PEX5L: variants seen among roughly 807,000 people sequenced by gnomAD.
PEX5L encodes PEX5-related protein.
Under a neutral mutation model 84.0 loss-of-function variants are expected in PEX5L, and 30 were observed. The observed-to-expected ratio is 0.36, with a 90% CI of 0.27 to 0.48. The LOEUF (loss-of-function observed/expected upper bound fraction) is 0.48. Ranked by LOEUF, PEX5L falls within the 20% of genes least tolerant of loss-of-function variation. PEX5L has a pLI of 0.99. For missense variants in PEX5L, 533 were observed against 754.6 expected (o/e 0.71, Z 3.44); for synonymous variants, 270 against 283.1 (o/e 0.95, Z 0.46).
At chr3:179,874,748 T>TTTTTTTTTTTTTTTTTG in intron 6 of PEX5L, among the ~76,000 whole-genome samples, 1 of 134,406 alleles carries the variant, frequency 7.4e-6, no homozygotes, top group Non-Finnish European at 1.6e-5. Context: ...GTTTTTTTTT[T>TTTTTTTTTTTTTTTTTG]TTTTTTTTTT....
At chr3:179,934,552 T>C (rs527988257) in intron 2 of PEX5L, among the ~76,000 whole-genome samples, 1 of 152,284 alleles carries the variant, frequency 6.6e-6, no homozygotes, top group African/African-American at 2.4e-5. Context: ...TAGTAAAAAA[T>C]GAAATTACAG....
intron 1 of PEX5L, among the ~76,000 whole-genome samples, chr3:180,003,698 G>A (rs1579306540): frequency 6.6e-6 from 1 of 152,146 alleles, no homozygotes; most frequent in African/African-American, 2.4e-5. Context: ...ATAAGAAAGT[G>A]TCATGAGTTT....
At chr3:179,857,899 C>A (rs1744610706) in intron 8 of PEX5L, among the ~76,000 whole-genome samples, 1 of 151,976 alleles carries the variant, frequency 6.6e-6, no homozygotes, top group South Asian at 2.1e-4. Context: ...TTCAAGAGCA[C>A]TAAATATTCA....
chr3:179,938,772 A>G (rs902965278), intron 2 of PEX5L, among the ~76,000 whole-genome samples: 1 of 152,204 alleles, frequency 6.6e-6, no homozygotes, highest in Non-Finnish European at 1.5e-5. Flanking sequence ...TTCATTTTGG[A>G]AACTGACTTT....
chr3:179,987,433 G>C (rs1467241451), intron 1 of PEX5L, among the ~76,000 whole-genome samples: 1 of 152,128 alleles, frequency 6.6e-6, no homozygotes, highest in Non-Finnish European at 1.5e-5. Flanking sequence ...TGAAGTTTTG[G>C]GGGTGCTGGG....
intron 1 of PEX5L, among the ~76,000 whole-genome samples, chr3:180,028,504 T>A (rs1393955233): frequency 2.0e-5 from 3 of 152,238 alleles, no homozygotes; most frequent in Admixed American, 2.0e-4. Flanking sequence ...ATCTAGCTAT[T>A]TGGAAACTGT....
chr3:179,933,030 C>T (rs1300398652), intron 2 of PEX5L, among the ~76,000 whole-genome samples: 2 of 152,282 alleles, frequency 1.3e-5, no homozygotes, highest in East Asian at 3.9e-4. Flanking sequence ...ACACCCACAG[C>T]CTCTGGTAAC....
At chr3:180,011,535 C>T (rs1191149313) in intron 1 of PEX5L, among the ~76,000 whole-genome samples, 1 of 152,160 alleles carries the variant, frequency 6.6e-6, no homozygotes, top group Non-Finnish European at 1.5e-5. Flanking sequence ...GTAACCTTAT[C>T]CGTCTTCTCC....
chr3:179,921,663 A>G (rs542836547), intron 2 of PEX5L: 1 of 152,298 alleles, frequency 6.6e-6, no homozygotes, highest in East Asian at 1.9e-4. Context: ...TTGGTGTACA[A>G]TGGTAGGGAC....
intron 2 of PEX5L, among the ~76,000 whole-genome samples, chr3:179,934,027 C>T (rs1277056322): frequency 6.6e-6 from 1 of 152,194 alleles, no homozygotes; most frequent in African/African-American, 2.4e-5. Flanking sequence ...AAACGGATAT[C>T]CTCTCTGACA....
chr3:179,999,213 C>A (rs1788166796), intron 1 of PEX5L, among the ~76,000 whole-genome samples: 1 of 152,136 alleles, frequency 6.6e-6, no homozygotes, highest in South Asian at 2.1e-4. Flanking sequence ...TGTGGATGGA[C>A]CTCTCTGAAT....
intron 1 of PEX5L, among the ~76,000 whole-genome samples, chr3:180,003,623 A>G (rs1788618257): frequency 6.6e-6 from 1 of 152,180 alleles, no homozygotes. Flanking sequence ...GAGTCCTCAG[A>G]TCTTTGATTC....
At chr3:179,889,801 T>C (rs1308988044) in intron 3 of PEX5L, among the ~76,000 whole-genome samples, 5 of 152,220 alleles carry the variant, frequency 3.3e-5, no homozygotes, top group African/African-American at 1.2e-4. Flanking sequence ...ATGAGCTGCC[T>C]ATGTTTCAGG....
Position 179,887,686 on chromosome 3 carries a change from T to C in PEX5L, c.297A>G (p.Thr99=). 6.2e-7 allele frequency: 1 copy of C among 1,605,288 alleles called. No individual in the cohort carries two copies. Among genetic ancestry groups the C allele is most frequent in the Non-Finnish European group, 8.5e-7 (1 of 1,171,880 alleles). ...TGAGAGAATTACCAGCTGTATTGGATGTTACTGGCCTTGCTATTGCTTCCG... is the reference window on the plus strand; with the variant it reads ...TGAGAGAATTACCAGCTGTATTGGACGTTACTGGCCTTGCTATTGCTTCCG... The part of the protein sequence containing the change: ...TKSEAIARPV[T]SNTAVLTTGL... Residue 99 remains threonine, a synonymous_variant, in exon 4 of 15, where the codon ACA becomes ACG. Coordinates refer to ENST00000467460, the MANE Select transcript of PEX5L (RefSeq NM_016559.3).
At chr3:179,998,011 C>T (rs753990798) in intron 1 of PEX5L, among the ~76,000 whole-genome samples, 3 of 152,172 alleles carry the variant, frequency 2.0e-5, no homozygotes, top group Non-Finnish European at 4.4e-5. Context: ...TGACATTATG[C>T]TGATTGGATT....
At chr3:179,896,262 A>G (rs1759237764) in intron 3 of PEX5L, 1 of 152,162 alleles carries the variant, frequency 6.6e-6, no homozygotes, top group African/African-American at 2.4e-5. Flanking sequence ...TAATACTATC[A>G]ACACAACAGG....
intron 10 of PEX5L, among the ~76,000 whole-genome samples, chr3:179,812,612 TGAA>T (rs1440626973): frequency 6.6e-6 from 1 of 152,154 alleles, no homozygotes; most frequent in Non-Finnish European, 1.5e-5. Context: ...GTAAATAATA[TGAA>T]GAACATCTTC....
chr3:179,824,552 C>G (rs1183290840), intron 8 of PEX5L, among the ~76,000 whole-genome samples: 6 of 151,834 alleles, frequency 4.0e-5, no homozygotes, highest in Non-Finnish European at 8.8e-5. Context: ...CTAAAAAATA[C>G]AGAATTAGCC....
At chr3:179,846,839 G>A (rs1739538896) in intron 8 of PEX5L, among the ~76,000 whole-genome samples, 1 of 152,058 alleles carries the variant, frequency 6.6e-6, no homozygotes, top group South Asian at 2.1e-4. Context: ...TAACACCAAA[G>A]GTTCTTCTGG....
Sources: gnomAD v4.1 joint callset for allele counts (sites outside exome capture counted in the v4.1 genomes callset) on GRCh38, gnomAD v4.1.1 for gene constraint, MANE v1.5 for transcripts, NCBI Gene and HGNC (gene_info 2026-07-23, HGNC 2026-07-21) for gene names.